SLCO2A1: variants seen among roughly 807,000 people sequenced by gnomAD.
SLCO2A1 encodes the protein solute carrier organic anion transporter family member 2A1.
In SLCO2A1, 60 loss-of-function variants were observed where a neutral mutation model predicts 71.7. That is an observed-to-expected ratio of 0.84 (90% CI 0.68 to 1.04). The LOEUF is 1.04. Among genes scored for constraint, SLCO2A1 ranks in the 50% least tolerant of loss-of-function variants. The pLI, the probability that SLCO2A1 is intolerant of heterozygous loss-of-function variation, is 0.00. For missense variants in SLCO2A1, 745 were observed against 813.4 expected, an observed-to-expected ratio of 0.92 and a Z score of 1.02; for synonymous variants, 308 against 326.7, an observed-to-expected ratio of 0.94 and a Z score of 0.62.
chr3:133,992,346 T>C (rs560452333), intron 1 of SLCO2A1, among the ~76,000 whole-genome samples: 2 of 152,284 alleles, frequency 1.3e-5, no homozygotes, highest in Admixed American at 1.3e-4. Flanking sequence ...GCAGAGGCAT[T>C]GTTTGAAGGA....
In SLCO2A1 at chr3:134,029,782, G is replaced by T; in HGVS notation, c.21C>A (p.Leu7=). Residue 7 remains leucine (L), a synonymous_variant, in exon 1 of 14, where the codon CTC becomes CTA. Transcript: ENST00000310926. MGLLPK[L]GASQGSDTST... ...AGGTGTCGCTGCCCTGGGACGCGCC[G>T]AGCTTGGGCAGGAGCCCCATGGCTG... 1 of 1,539,242 alleles carries T rather than the reference G, an allele frequency of 6.5e-7. No homozygotes were observed.
chr3:134,023,151 AAC>A (rs748590769), intron 1 of SLCO2A1, among the ~76,000 whole-genome samples: 28 of 36,370 alleles, frequency 7.7e-4, no homozygotes, highest in South Asian at 2.1e-3. Context: ...CAAACAAACA[AAC>A]AAAAGAATGG....
At chr3:133,980,137 C>T (rs766908284) in intron 1 of SLCO2A1, among the ~76,000 whole-genome samples, 5 of 152,216 alleles carry the variant, frequency 3.3e-5, no homozygotes, top group Non-Finnish European at 7.3e-5. Flanking sequence ...TCCTCTGAGG[C>T]CCACCTCTAA....
At position 133,973,583 on chromosome 3, in the gene SLCO2A1, GC is replaced by G. The variant is rs1212178113; in HGVS notation, c.397+79del. Reference sequence around the variant, plus strand: ...CCCTCTTCCTGGAGTGGTATCCACTGCCCTAGGAGTATCCCCACTAACTTTG... The same window carrying G: ...CCCTCTTCCTGGAGTGGTATCCACTGCCTAGGAGTATCCCCACTAACTTTG... On this transcript the variant is annotated intron_variant, in intron 3 of 13. Transcript: ENST00000310926. 4.6e-5 allele frequency: 68 copies of G among 1,464,416 alleles called. No individual in the cohort carries two copies. In the East Asian group the frequency reaches 1.6e-3, roughly 34 times the overall value. 90.7% of individuals were successfully genotyped at this position (1,464,416 alleles called of 1,614,324 possible).
At chr3:134,023,420 G>A (rs1253165066) in intron 1 of SLCO2A1, among the ~76,000 whole-genome samples, 1 of 152,126 alleles carries the variant, frequency 6.6e-6, no homozygotes, top group Non-Finnish European at 1.5e-5. Context: ...ACAGCTTTCT[G>A]CTTTAGAAAA....
chr3:133,942,155 A>G (rs532297736), intron 11 of SLCO2A1, among the ~76,000 whole-genome samples: 40 of 152,304 alleles, frequency 2.6e-4, no homozygotes, highest in African/African-American at 9.1e-4. Flanking sequence ...CACCACGCCC[A>G]GCTAATTTTT....
chr3:133,945,263 G>T lies in SLCO2A1; in HGVS notation c.1296-3C>A, dbSNP rs2108040500. On this transcript the variant is annotated splice_polypyrimidine_tract_variant and splice_region_variant and intron_variant, in intron 9 of 13. Transcript: ENST00000310926. ...GCGGATGTATAGAACTTGATGTGCTGCCAGCAAAAGAGGAAACGGGGAATC... is the reference window on the plus strand; with the variant it reads ...GCGGATGTATAGAACTTGATGTGCTTCCAGCAAAAGAGGAAACGGGGAATC... The T allele has an allele frequency of 6.3e-7, 1 of 1,598,272 alleles. No individual in the cohort carries two copies. Among genetic ancestry groups the T allele is most frequent in the Non-Finnish European group, 8.5e-7 (1 of 1,174,566 alleles).
intron 1 of SLCO2A1, among the ~76,000 whole-genome samples, chr3:133,982,189 T>G (rs1934609986): frequency 6.6e-6 from 1 of 152,168 alleles, no homozygotes; most frequent in African/African-American, 2.4e-5. Flanking sequence ...CAAAGCTCAC[T>G]TGAACCCAGA....
chr3:134,027,490 C>A (rs568367081), intron 1 of SLCO2A1, among the ~76,000 whole-genome samples: 1 of 152,220 alleles, frequency 6.6e-6, no homozygotes, highest in Admixed American at 6.5e-5. Context: ...GGTGCACCCC[C>A]TTAGAGTTGT....
intron 3 of SLCO2A1, among the ~76,000 whole-genome samples, chr3:133,958,636 A>G (rs1933950576): frequency 6.6e-6 from 1 of 152,202 alleles, no homozygotes; most frequent in South Asian, 2.1e-4. Flanking sequence ...GACTCAACAC[A>G]GCTGTGCAGT....
chr3:133,935,400 C>G (rs370180698), intron 13 of SLCO2A1, among the ~76,000 whole-genome samples: 3 of 152,308 alleles, frequency 2.0e-5, no homozygotes, highest in East Asian at 3.9e-4. Flanking sequence ...TGTGGCCCCC[C>G]TCTGTCTCTG....
At chr3:133,977,602 T>C (rs547363315) in intron 2 of SLCO2A1, among the ~76,000 whole-genome samples, 1 of 152,180 alleles carries the variant, frequency 6.6e-6, no homozygotes, top group South Asian at 2.1e-4. Flanking sequence ...GCCTAGAATA[T>C]TGTGTTGAGA....
Position 133,935,784 on chromosome 3 carries a change from G to A in SLCO2A1, c.1804C>T (p.Leu602Phe). 1 of 1,604,566 alleles carries A rather than the reference G, an allele frequency of 6.2e-7. No homozygotes were observed. The highest frequency in any genetic ancestry group is 8.5e-7 in the Non-Finnish European group (1 of 1,174,432). Residue 602 changes from leucine to phenylalanine, a missense_variant, in exon 13 of 14, where the codon CTC becomes TTC. Coordinates refer to ENST00000310926, the MANE Select transcript of SLCO2A1 (RefSeq NM_005630.3). ...ATGATGGGCCCTCACCTGTCTCGGA[G>A]AGCATCGTTGTCATAGTAGGCGCAG... ...GACAYYDNDA[L>F]RDRYLGLQMG...
intron 1 of SLCO2A1, among the ~76,000 whole-genome samples, chr3:133,992,115 G>T (rs753615087): frequency 5.3e-5 from 8 of 152,096 alleles, no homozygotes; most frequent in Admixed American, 1.3e-4. Context: ...AGTTTAGTAC[G>T]CTCAACTTCA....
chr3:133,980,372 G>C (rs948879410), intron 1 of SLCO2A1, among the ~76,000 whole-genome samples: 1 of 152,212 alleles, frequency 6.6e-6, no homozygotes, highest in African/African-American at 2.4e-5. Context: ...GGGGTACTGA[G>C]TAAATGTGAG....
intron 9 of SLCO2A1, 99 bp downstream of exon 9, chr3:133,947,157 A>T: frequency 9.4e-7 from 1 of 1,058,802 alleles, no homozygotes; most frequent in East Asian, 2.5e-5. Flanking sequence ...AGTGTACAGC[A>T]AAGAATAGAG....
chr3:133,939,194 T>C (rs1256838002), intron 11 of SLCO2A1, among the ~76,000 whole-genome samples: 3 of 152,220 alleles, frequency 2.0e-5, no homozygotes, highest in African/African-American at 7.2e-5. Context: ...GCAAATTAGG[T>C]AGCTGGTCCT....
chr3:133,994,318 A>G (rs762997183), intron 1 of SLCO2A1, among the ~76,000 whole-genome samples: 7 of 152,222 alleles, frequency 4.6e-5, no homozygotes, highest in Non-Finnish European at 8.8e-5. Context: ...GTAGCAGGCT[A>G]CTGATGCCAA....
intron 1 of SLCO2A1, among the ~76,000 whole-genome samples, chr3:134,006,872 A>G (rs755385559): frequency 2.6e-4 from 39 of 152,222 alleles, no homozygotes; most frequent in Admixed American, 1.4e-3. Flanking sequence ...TTATGACTCT[A>G]CTTTTAATTT....
Sources: gnomAD v4.1 joint callset for allele counts (sites outside exome capture counted in the v4.1 genomes callset) on GRCh38, gnomAD v4.1.1 for gene constraint, MANE v1.5 for transcripts, NCBI Gene and HGNC (gene_info 2026-07-23, HGNC 2026-07-21) for gene names.